ICA1: variants seen among roughly 807,000 people sequenced by gnomAD.
ICA1 encodes islet cell autoantigen 1, also known as 69 kDa islet cell autoantigen.
ICA1 carries 40 observed loss-of-function variants against 71.0 expected under a neutral mutation model. The observed-to-expected ratio is 0.56, with a 90% CI of 0.44 to 0.73. The LOEUF (loss-of-function observed/expected upper bound fraction) is 0.73, where lower values mean the gene tolerates loss of function less well. ICA1 is among the 30% of genes least tolerant of loss of function. The pLI is 0.00. For missense variants in ICA1, 578 were observed against 576.5 expected (o/e 1.00, Z -0.03); for synonymous variants, 207 against 209.5 (o/e 0.99, Z 0.10).
intron 6 of ICA1, among the ~76,000 whole-genome samples, chr7:8,178,940 A>G (rs999964667): frequency 1.3e-5 from 2 of 152,152 alleles, no homozygotes; most frequent in African/African-American, 2.4e-5. Flanking sequence ...CTGCCCTTCT[A>G]TATTTTTCAG....
intron 3 of ICA1, among the ~76,000 whole-genome samples, chr7:8,228,895 A>G (rs1799438102): frequency 6.6e-6 from 1 of 152,206 alleles, no homozygotes; most frequent in African/African-American, 2.4e-5. Flanking sequence ...TGTGATCTAA[A>G]TTAAGATCTG....
intron 6 of ICA1, among the ~76,000 whole-genome samples, chr7:8,212,048 G>A (rs779322923): frequency 6.6e-6 from 1 of 152,072 alleles, no homozygotes; most frequent in Non-Finnish European, 1.5e-5. Context: ...AATACCAAAG[G>A]CTCCTCTTTG....
At chr7:8,241,972 CT>C (rs1301273351) in intron 1 of ICA1, among the ~76,000 whole-genome samples, 1 of 152,150 alleles carries the variant, frequency 6.6e-6, no homozygotes, top group Non-Finnish European at 1.5e-5. Flanking sequence ...TAATGGGAGA[CT>C]TTAACACCCC....
Position 8,243,088 on chromosome 7 carries a change from C to A in ICA1, c.-79-7083G>T, listed in dbSNP as rs572758012. Among the ~76,000 whole-genome samples the A allele has an allele frequency of 2.0e-5, 3 of 152,290 alleles. No homozygotes were observed. In the South Asian group the frequency reaches 6.2e-4, roughly 32 times the overall value. The stretch of plus-strand genomic sequence containing the variant: ...TTATGAGGCCAGCATCATCCTGATA[C>A]CAAAGCCTGGCAGAGACACAACAAA... On this transcript the variant is annotated intron_variant, in intron 1 of 13. Transcript: ENST00000402384.
intron 13 of ICA1, among the ~76,000 whole-genome samples, chr7:8,126,278 C>G (rs1789135241): frequency 1.3e-5 from 2 of 152,184 alleles, no homozygotes; most frequent in Admixed American, 1.3e-4. Flanking sequence ...ACTTGAGGAT[C>G]TGGGCTCTGC....
chr7:8,159,073 C>T (rs773527846), intron 6 of ICA1, among the ~76,000 whole-genome samples: 3 of 152,184 alleles, frequency 2.0e-5, no homozygotes, highest in Non-Finnish European at 4.4e-5. Flanking sequence ...ATAGAACATG[C>T]TACATTTGTT....
rs557314775 is a variant in ICA1 at position 8,232,612 on chromosome 7, G to A, written c.161C>T (p.Ala54Val). ...CACCTCTAGCTTGGCATCCAGGTCC[G>A]CGTCAGAGGCAACAACATGTTCATC... ...KEDEHVVASD[A>V]DLDAKLELFH... Residue 54 changes from alanine to valine, a missense_variant, in exon 3 of 14, where the codon GCG (alanine) becomes GTG (valine). Transcript: ENST00000402384. The A allele has an allele frequency of 7.4e-6, 12 of 1,612,080 alleles. No individual in the cohort carries two copies. In the East Asian group the frequency reaches 1.6e-4, roughly 21 times the overall value.
At chr7:8,160,068 G>T (rs187865189) in intron 6 of ICA1, among the ~76,000 whole-genome samples, 21 of 152,218 alleles carry the variant, frequency 1.4e-4, no homozygotes, top group African/African-American at 4.8e-4. Context: ...GCAACCTGGC[G>T]CAAAGCAGGT....
chr7:8,258,878 C>A (rs145323382), intron 1 of ICA1, among the ~76,000 whole-genome samples: 1,740 of 152,316 alleles, frequency 0.011, 15 homozygotes, highest in Admixed American at 0.024. Flanking sequence ...GCAAATCATG[C>A]CTGCAGTCCT....
intron 6 of ICA1, among the ~76,000 whole-genome samples, chr7:8,163,648 C>T (rs1197100519): frequency 6.6e-6 from 1 of 152,180 alleles, no homozygotes; most frequent in Non-Finnish European, 1.5e-5. Flanking sequence ...TGGTGCTCAA[C>T]CTCTACTCTG....
intron 13 of ICA1, among the ~76,000 whole-genome samples, chr7:8,118,986 T>C (rs1051731168): frequency 2.0e-5 from 3 of 152,210 alleles, no homozygotes; most frequent in Non-Finnish European, 2.9e-5. Context: ...GTGATTGTTA[T>C]GTAAGTAAAA....
At chr7:8,189,568 CT>C (rs1426974115) in intron 6 of ICA1, among the ~76,000 whole-genome samples, 1 of 151,938 alleles carries the variant, frequency 6.6e-6, no homozygotes, top group African/African-American at 2.4e-5. Context: ...TTTTCTTCTT[CT>C]TTTTTTTAAA....
intron 12 of ICA1, among the ~76,000 whole-genome samples, chr7:8,129,917 T>C (rs1158238732): frequency 7.1e-6 from 1 of 140,322 alleles, no homozygotes; most frequent in Non-Finnish European, 1.5e-5. Context: ...TGTGTTCTCA[T>C]TGTTCAATTC....
At position 8,235,998 on chromosome 7, in the gene ICA1, A is replaced by G. The variant is rs1801737229; in HGVS notation, c.-72T>C. On this transcript the variant is annotated 5_prime_UTR_variant, in exon 2 of 14. Transcript: ENST00000402384. ...AAAAAAGCATGAGAGGATAAGTTAT[A>G]TTATAACCTGAAATAAAACAAATAT... 1 of 1,460,888 alleles carries G rather than the reference A, an allele frequency of 6.8e-7. No homozygotes were observed. The highest frequency in any genetic ancestry group is 9.5e-7 in the Non-Finnish European group (1 of 1,048,678). The allele number at this position is 1,460,888 out of a possible 1,614,324, so 90.5% of individuals were successfully genotyped here. A position where few individuals can be genotyped will look rare whatever the true frequency, so the allele number is the denominator to read the frequency against.
chr7:8,126,099 T>C (rs778558853), intron 13 of ICA1, among the ~76,000 whole-genome samples: 2 of 152,220 alleles, frequency 1.3e-5, no homozygotes, highest in African/African-American at 2.4e-5. Context: ...TCTGCTGATG[T>C]GTGTGCATGG....
rs1787817740 is a variant in ICA1, at chr7:8,123,486, C to T, written c.1330+4387G>A. Among the ~76,000 whole-genome samples, 1 of 152,186 alleles carries T rather than the reference C, an allele frequency of 6.6e-6. No homozygotes were observed. Among genetic ancestry groups the T allele is most frequent in the African/African-American group, 2.4e-5 (1 of 41,450 alleles). ...GGTGCCTGTCCCCGAGGACTCGGTG[C>T]CCCAGTCTCTCACGGAGAGCCAGGA... On this transcript the variant is annotated intron_variant, in intron 13 of 13. Coordinates refer to ENST00000402384, the MANE Select transcript of ICA1 (RefSeq NM_001136020.3). The surrounding 1 kb of genome is among the most constrained non-coding windows in gnomAD (Gnocchi z 4.1).
chr7:8,211,130 T>G (rs1302007830), intron 6 of ICA1, among the ~76,000 whole-genome samples: 1 of 152,168 alleles, frequency 6.6e-6, no homozygotes, highest in African/African-American at 2.4e-5. Flanking sequence ...GCCCACATTG[T>G]GGGGGCAATC....
At chr7:8,245,352 T>A (rs943374227) in intron 1 of ICA1, among the ~76,000 whole-genome samples, 2 of 139,884 alleles carry the variant, frequency 1.4e-5, no homozygotes, top group Non-Finnish European at 3.0e-5. Flanking sequence ...TAGGTGGGAA[T>A]AGAACAATGA....
At chr7:8,172,827 C>T (rs1422437960) in intron 6 of ICA1, among the ~76,000 whole-genome samples, 1 of 152,170 alleles carries the variant, frequency 6.6e-6, no homozygotes, top group African/African-American at 2.4e-5. Flanking sequence ...TCAAATGTCA[C>T]TGGCAGTATT....
Sources: allele counts gnomAD v4.1 joint callset (sites outside exome capture counted in the v4.1 genomes callset), GRCh38; gene constraint gnomAD v4.1.1; non-coding constraint Gnocchi (gnomAD v3.1); transcripts MANE v1.5; gene names NCBI Gene and HGNC (gene_info 2026-07-23, HGNC 2026-07-21).